Variants in EIF4E observed in about 807,000 individuals in gnomAD.
The protein encoded by EIF4E is eIF-4F 25 kDa subunit.
For synonymous variants in EIF4E, 71 were observed against 88.5 expected (o/e 0.80, Z 1.11); for missense variants, 113 against 265.6 (o/e 0.43, Z 3.99).
chr4:98,880,042 A>G lies in EIF4E; in HGVS notation c.*986T>C, dbSNP rs1723614668. 2.6e-5 allele frequency: 4 copies of G among 152,720 alleles called. No homozygotes were observed. The South Asian group carries it at 6.2e-4, about 24-fold the overall frequency. The allele number at this position is 152,720 out of a possible 1,614,324, so 9.5% of individuals were successfully genotyped here. A position where few individuals can be genotyped will look rare whatever the true frequency, so the allele number is the denominator to read the frequency against. ...TCCTTCTATAAAGATGGAGAAATAA[A>G]AGGACAAATCTAGTTGTCTAAAAGA... is the stretch of plus-strand genomic sequence containing the variant. On this transcript the variant is annotated 3_prime_UTR_variant, in exon 7 of 7. Transcript: ENST00000450253.
intron 2 of EIF4E, among the ~76,000 whole-genome samples, chr4:98,900,719 A>G (rs1724607274): frequency 6.6e-6 from 1 of 152,176 alleles, no homozygotes; most frequent in Admixed American, 6.5e-5. Flanking sequence ...ATTCTCATAT[A>G]CCCCAGAAAA....
At chr4:98,903,049 A>G (rs1386646238) in intron 1 of EIF4E, among the ~76,000 whole-genome samples, 10 of 152,288 alleles carry the variant, frequency 6.6e-5, no homozygotes, top group Admixed American at 4.6e-4. Context: ...CAAAATTAAC[A>G]CTGTCATCTA....
chr4:98,916,011 T>C (rs976188043), intron 1 of EIF4E, among the ~76,000 whole-genome samples: 7 of 150,596 alleles, frequency 4.6e-5, no homozygotes, highest in African/African-American at 1.7e-4. Context: ...GCCAACATGG[T>C]GAAAACTCGT....
rs1723985695 is a variant in EIF4E at position 98,887,794 on chromosome 4, C to G, written c.285+95G>C. 6.5e-6 allele frequency: 7 copies of G among 1,076,468 alleles called. No homozygotes were observed. Among genetic ancestry groups the G allele is most frequent in the Non-Finnish European group, 9.8e-6 (7 of 713,632 alleles). The allele number at this position is 1,076,468 out of a possible 1,614,324, so 66.7% of individuals were successfully genotyped here. On this transcript the variant is annotated intron_variant, in intron 4 of 6. Coordinates refer to ENST00000450253, the MANE Select transcript of EIF4E (RefSeq NM_001968.5). The surrounding 1 kb of genome is among the most constrained non-coding windows in gnomAD (Gnocchi z 4.0). ...TTAAATTATCAGCCTATTCATCACA[C>G]TATCAAATATTCCTAAGTTTATGGT... is the stretch of plus-strand genomic sequence containing the variant.
chr4:98,923,886 T>C (rs1725759265), intron 1 of EIF4E, among the ~76,000 whole-genome samples: 1 of 152,226 alleles, frequency 6.6e-6, no homozygotes, highest in Non-Finnish European at 1.5e-5. Flanking sequence ...CTTTGAATAC[T>C]GCATTTAAAA....
At chr4:98,906,821 G>A (rs973287225) in intron 1 of EIF4E, among the ~76,000 whole-genome samples, 1 of 152,128 alleles carries the variant, frequency 6.6e-6, no homozygotes, top group African/African-American at 2.4e-5. Context: ...TCCCCATGTT[G>A]GAATCCCAGC....
At chr4:98,923,787 G>A (rs1725753857) in intron 1 of EIF4E, among the ~76,000 whole-genome samples, 1 of 152,178 alleles carries the variant, frequency 6.6e-6, no homozygotes, top group Non-Finnish European at 1.5e-5. Flanking sequence ...AGAAAAGAGG[G>A]AAAATAGTAT....
At chr4:98,912,609 C>T (rs974630044) in intron 1 of EIF4E, among the ~76,000 whole-genome samples, 3 of 151,608 alleles carry the variant, frequency 2.0e-5, no homozygotes, top group Non-Finnish European at 2.9e-5. Context: ...AATTTACATA[C>T]GTTGAACATT....
At chr4:98,923,590 T>C (rs1725741281) in intron 1 of EIF4E, among the ~76,000 whole-genome samples, 1 of 152,198 alleles carries the variant, frequency 6.6e-6, no homozygotes, top group African/African-American at 2.4e-5. Context: ...GGATTACATG[T>C]GTGGGCCACC....
intron 6 of EIF4E, among the ~76,000 whole-genome samples, chr4:98,881,682 T>C (rs772955826): frequency 3.9e-5 from 6 of 152,322 alleles, no homozygotes; most frequent in Admixed American, 2.0e-4. Flanking sequence ...GTTATAAGAC[T>C]GCACAAACAA....
chr4:98,886,348 T>G (rs1723920995), intron 5 of EIF4E: 1 of 294,552 alleles, frequency 3.4e-6, no homozygotes. Context: ...AAGCCAGAAG[T>G]TCCAGTTAAT....
intron 1 of EIF4E, among the ~76,000 whole-genome samples, chr4:98,920,324 G>A (rs953120596): frequency 1.1e-4 from 16 of 148,918 alleles, no homozygotes; most frequent in Non-Finnish European, 2.4e-4. Flanking sequence ...TTTTTGAGAC[G>A]GAGTTTCACT....
chr4:98,898,000 C>T (rs984266461), intron 2 of EIF4E, among the ~76,000 whole-genome samples: 1 of 151,870 alleles, frequency 6.6e-6, no homozygotes, highest in African/African-American at 2.4e-5. Flanking sequence ...ACTGACAGAC[C>T]AATGGATTTT....
chr4:98,916,786 T>C (rs988997363), intron 1 of EIF4E, among the ~76,000 whole-genome samples: 4 of 152,038 alleles, frequency 2.6e-5, no homozygotes, highest in African/African-American at 9.7e-5. Flanking sequence ...GCCTCAAAAA[T>C]TTTTTTACTA....
intron 3 of EIF4E, among the ~76,000 whole-genome samples, chr4:98,890,361 G>A (rs1306145357): frequency 6.6e-6 from 1 of 152,182 alleles, no homozygotes; most frequent in Non-Finnish European, 1.5e-5. Context: ...GTAATTTAAA[G>A]TGCTTATTAA....
chr4:98,884,811 C>T (rs1367180347), intron 6 of EIF4E, 111 bp downstream of exon 6: 1 of 1,423,068 alleles, frequency 7.0e-7, no homozygotes, highest in Non-Finnish European at 9.7e-7. Flanking sequence ...GAAAACAATA[C>T]AAGGAAAACA....
chr4:98,928,937 C>G, intron 1 of EIF4E, 158 bp downstream of exon 1: 1 of 1,576,916 alleles, frequency 6.3e-7, no homozygotes, highest in Non-Finnish European at 8.6e-7. Context: ...TCCTCCGGGA[C>G]GTCCCCACTT....
chr4:98,889,959 A>G (rs1724080967), intron 3 of EIF4E, among the ~76,000 whole-genome samples: 1 of 152,234 alleles, frequency 6.6e-6, no homozygotes, highest in East Asian at 1.9e-4. Flanking sequence ...CTAGAAAACT[A>G]GACCTATAAA....
chr4:98,881,110 G>A lies in EIF4E; in HGVS notation c.572C>T (p.Pro191Leu). Residue 191 changes from proline to leucine, a missense_variant, in exon 7 of 7, where the codon CCA (proline) becomes CTA (leucine). Coordinates refer to ENST00000450253, the MANE Select transcript of EIF4E (RefSeq NM_001968.5). ...GGACTGATAACCAATCACTATCTTTGGAGGAAGTCCTAACCTTTCCTTGTA... is the reference window on the plus strand; with the variant it reads ...GGACTGATAACCAATCACTATCTTTAGAGGAAGTCCTAACCTTTCCTTGTA... ...RVYKERLGLPPKIVIGYQSHA... is the reference protein window; with the variant it reads ...RVYKERLGLPLKIVIGYQSHA... 1 of 1,612,102 alleles carries A rather than the reference G, an allele frequency of 6.2e-7. No individual in the cohort carries two copies. Among genetic ancestry groups the A allele is most frequent in the Non-Finnish European group, 8.5e-7 (1 of 1,179,314 alleles).
Sources: gnomAD v4.1 joint callset for allele counts (sites outside exome capture counted in the v4.1 genomes callset) on GRCh38, gnomAD v4.1.1 for gene constraint, Gnocchi (gnomAD v3.1) non-coding constraint, MANE v1.5 for transcripts, NCBI Gene and HGNC (gene_info 2026-07-23, HGNC 2026-07-21) for gene names.